Variants in NBEAL2 observed in about 807,000 individuals in gnomAD.
NBEAL2 encodes neurobeachin-like protein 2.
A neutral mutation model predicts 299.8 loss-of-function variants in NBEAL2; 160 were observed. The observed-to-expected ratio is 0.53, with a 90% confidence interval of 0.47 to 0.61. The LOEUF is 0.61. NBEAL2 is among the 20% of genes least tolerant of loss of function. NBEAL2 has a pLI of 0.00. For synonymous variants in NBEAL2, 1,493 were observed against 1,542.3 expected (o/e 0.97, Z 0.75); for missense variants, 3,112 against 3,649.0 (o/e 0.85, Z 3.79).
chr3:46,991,831 C>CT lies in NBEAL2; in HGVS notation c.926-7dup. ...TCTGGGCAGGGCCTGACCCTTGACC[C>CT]TTCCACAGACGCCATCCCCATGATG... On this transcript the variant is annotated splice_polypyrimidine_tract_variant and intron_variant, in intron 8 of 53. Transcript: ENST00000450053. This position sits in a 1 kb window ranked among gnomAD's most constrained non-coding sequence, Gnocchi z 6.2. 1 of 1,587,604 alleles carries CT rather than the reference C, an allele frequency of 6.3e-7. No individual in the cohort carries two copies. Among genetic ancestry groups the CT allele is most frequent in the African/African-American group, 1.3e-5 (1 of 74,364 alleles).
Position 46,995,488 on chromosome 3 carries a change from C to T in NBEAL2, c.1753C>T (p.Pro585Ser). Reference sequence around the variant, plus strand: ...TGCTCTGCGCTACTTTGACCTCACGCCCAGCATGGCGGGCATCATGGTACC... The same window carrying T: ...TGCTCTGCGCTACTTTGACCTCACGTCCAGCATGGCGGGCATCATGGTACC... ...ARALRYFDLT[P>S]SMAGIMVPPV... Residue 585 changes from proline (P) to serine (S), a missense_variant, in exon 13 of 54, where the codon CCC becomes TCC. Transcript: ENST00000450053. 6.2e-7 allele frequency: 1 copy of T among 1,612,902 alleles called. No homozygotes were observed. The highest frequency in any genetic ancestry group is 8.5e-7 in the Non-Finnish European group (1 of 1,179,890).
chr3:47,000,289 C>T lies in NBEAL2; in HGVS notation c.4190C>T (p.Pro1397Leu). ...GTPSPLDGPRPFPAAPGRHSS... is the reference protein window; with the variant it reads ...GTPSPLDGPRLFPAAPGRHSS... ...CCTTCGCCACTGGATGGGCCGCGGC[C>T]CTTTCCTGCTGCTCCTGGCCGCCAC... The change falls in exon 27 of 54, where the codon CCC (proline) becomes CTC (leucine). Residue 1397 changes from proline to leucine, a missense_variant. Transcript: ENST00000450053. This position sits in a 1 kb window ranked among gnomAD's most constrained non-coding sequence, Gnocchi z 4.5. The T allele has an allele frequency of 1.2e-6, 2 of 1,612,576 alleles. No homozygotes were observed. The highest frequency in any genetic ancestry group is 1.1e-5 in the South Asian group (1 of 91,076).
At chr3:46,987,591 G>C (rs1219300332) in intron 1 of NBEAL2, among the ~76,000 whole-genome samples, 1 of 152,152 alleles carries the variant, frequency 6.6e-6, no homozygotes, top group Non-Finnish European at 1.5e-5. Context: ...CATGGCGGGC[G>C]GCGGGGCGGG....
Position 47,008,976 on chromosome 3 carries a change from C to T in NBEAL2, c.8028-13C>T, listed in dbSNP as rs1468550719. ...GCAGTCGCAAGTTGGTGTATATCCC[C>T]TCTCCCTTCCAGACTGCTCCCGGCC... On this transcript the variant is annotated splice_polypyrimidine_tract_variant and intron_variant, in intron 52 of 53. Coordinates refer to ENST00000450053, the MANE Select transcript of NBEAL2 (RefSeq NM_015175.3). The T allele has an allele frequency of 3.8e-6, 6 of 1,598,602 alleles. No homozygotes were observed. The African/African-American group carries it at 5.3e-5, about 14-fold the overall frequency.
At position 46,989,038 on chromosome 3, in the gene NBEAL2, G is replaced by A. The variant is rs762911937; in HGVS notation, c.270-47G>A. On this transcript the variant is annotated intron_variant, in intron 3 of 53. Transcript: ENST00000450053. This position sits in a 1 kb window ranked among gnomAD's most constrained non-coding sequence, Gnocchi z 5.5. The stretch of plus-strand genomic sequence containing the variant: ...GGGCCAGAGGGAGAGGGGACAAGGA[G>A]GGGCATGGTGTATTATTGTGACCTC... 1 of 1,611,678 alleles carries A rather than the reference G, an allele frequency of 6.2e-7. No individual in the cohort carries two copies. The highest frequency in any genetic ancestry group is 1.1e-5 in the South Asian group (1 of 90,768).
At position 46,999,691 on chromosome 3, in the gene NBEAL2, C is replaced by T. The variant is rs377098551; in HGVS notation, c.3765C>T (p.Ser1255=). 9.9e-5 allele frequency: 159 copies of T among 1,613,430 alleles called. No individual in the cohort carries two copies. Among genetic ancestry groups the T allele is most frequent in the Non-Finnish European group, 1.3e-4 (148 of 1,179,798 alleles). ...AGCTGTCCCTCCAGGCTGACCTCAG[C>T]GTTCGCCTAGACATCTGTCGCCAGG... ...VVQLSLQADL[S]VRLDICRQLF... Residue 1255 remains serine, a synonymous_variant, in exon 26 of 54, where the codon AGC becomes AGT. Transcript: ENST00000450053.
chr3:47,009,660 CCGGTTCTCCCTTCT>C lies in NBEAL2; in HGVS notation c.*344_*357del. Reference sequence around the variant, plus strand: ...GTGGCCTTAATTCCTAACGGCGGCCCCGGTTCTCCCTTCTCGGCAATAAACCAGGCCTAGTTTTG... The same window carrying C: ...GTGGCCTTAATTCCTAACGGCGGCCCCGGCAATAAACCAGGCCTAGTTTTG... On this transcript the variant is annotated 3_prime_UTR_variant, in exon 54 of 54. Coordinates refer to ENST00000450053, the MANE Select transcript of NBEAL2 (RefSeq NM_015175.3). 3.0e-6 allele frequency: 1 copy of C among 336,374 alleles called. No individual in the cohort carries two copies. The highest frequency in any genetic ancestry group is 4.5e-5 in the South Asian group (1 of 21,994). 20.8% of individuals were successfully genotyped at this position (336,374 alleles called of 1,614,324 possible). A position where few individuals can be genotyped will look rare whatever the true frequency, so the allele number is the denominator to read the frequency against.
Position 46,995,187 on chromosome 3 carries a change from C to T in NBEAL2, c.1452C>T (p.Ala484=). The T allele has an allele frequency of 6.4e-7, 1 of 1,560,380 alleles. No homozygotes were observed. The highest frequency in any genetic ancestry group is 8.7e-7 in the Non-Finnish European group (1 of 1,152,430). ...RLRWLCDSCP[A]SRATCVQAGL... Reference sequence around the variant, plus strand: ...GGTGGCTCTGTGACAGCTGCCCTGCCAGCCGTGCCACCTGTGTGCAGGCAG... The same window carrying T: ...GGTGGCTCTGTGACAGCTGCCCTGCTAGCCGTGCCACCTGTGTGCAGGCAG... Residue 484 remains alanine (A), a synonymous_variant, in exon 13 of 54, where the codon GCC becomes GCT. Coordinates refer to ENST00000450053, the MANE Select transcript of NBEAL2 (RefSeq NM_015175.3).
rs754457654 is a variant in NBEAL2 at position 46,998,801 on chromosome 3, G to A, written c.3306G>A (p.Val1102=). 26 of 1,566,802 alleles carry A rather than the reference G, an allele frequency of 1.7e-5. No homozygotes were observed. In the South Asian group the frequency reaches 2.9e-4, roughly 18 times the overall value. The change falls in exon 23 of 54, where the codon GTG becomes GTA. Residue 1102 remains valine, a synonymous_variant. Coordinates refer to ENST00000450053, the MANE Select transcript of NBEAL2 (RefSeq NM_015175.3). ...SLLGLAREFL[V]RSLSADDVQV... is the part of the protein sequence containing the mutation. ...TGGGCCTGGCGAGGGAGTTCCTGGT[G>A]CGGAGTCTCTCAGCAGATGACGTGC...
chr3:46,995,354 G>A lies in NBEAL2; in HGVS notation c.1619G>A (p.Arg540Gln), dbSNP rs779577724. 25 of 1,611,046 alleles carry A rather than the reference G, an allele frequency of 1.6e-5. No homozygotes were observed. The highest frequency in any genetic ancestry group is 1.7e-4 in the Middle Eastern group (1 of 6,054). ...PMELRHLLRP[R>Q]PGLDSEPGGA... ...GAGCTGCGTCACCTGCTGCGCCCCCGGCCAGGATTGGACTCGGAACCAGGC... is the reference window on the plus strand; with the variant it reads ...GAGCTGCGTCACCTGCTGCGCCCCCAGCCAGGATTGGACTCGGAACCAGGC... The change falls in exon 13 of 54, where the codon CGG becomes CAG. Residue 540 changes from arginine (R) to glutamine (Q), a missense_variant. Around this residue, in one of 3 missense-constraint regions of NBEAL2, gnomAD observed 2,243 missense variants for 2,538.1 expected, o/e 0.88. Transcript: ENST00000450053.
chr3:46,988,979 G>C lies in NBEAL2; in HGVS notation c.269+9G>C, dbSNP rs370427993. On this transcript the variant is annotated intron_variant, in intron 3 of 53. Coordinates refer to ENST00000450053, the MANE Select transcript of NBEAL2 (RefSeq NM_015175.3). This position sits in a 1 kb window ranked among gnomAD's most constrained non-coding sequence, Gnocchi z 4.4. ...TTCATCATTCTCTGCAGGTGTCTCT[G>C]TTGTCCACTCTACAAGCAGGGGCCT... 8 of 1,612,686 alleles carry C rather than the reference G, an allele frequency of 5.0e-6. No homozygotes were observed. In the African/African-American group the frequency reaches 5.3e-5, roughly 11 times the overall value.
In NBEAL2 at chr3:46,979,710, G is replaced by A; in HGVS notation, c.-152G>A. On this transcript the variant is annotated 5_prime_UTR_variant, in exon 1 of 54. Transcript: ENST00000450053. ...CAGACTTGGGTGGCTCTGCGCCGCG[G>A]AGGCCACAGCCGCAGACTTCCCCAG... The A allele has an allele frequency of 3.2e-6, 1 of 309,316 alleles. No individual in the cohort carries two copies. Among genetic ancestry groups the A allele is most frequent in the Non-Finnish European group, 5.9e-6 (1 of 168,136 alleles). The allele number at this position is 309,316 out of a possible 1,614,324, so 19.2% of individuals were successfully genotyped here.
rs1002810943 is a variant in NBEAL2 at position 47,000,974 on chromosome 3, G to A, written c.4306-27G>A. 8 of 1,569,724 alleles carry A rather than the reference G, an allele frequency of 5.1e-6. No individual in the cohort carries two copies. The African/African-American group carries it at 5.4e-5, about 11-fold the overall frequency. Reference sequence around the variant, plus strand: ...CCTCCCTTAGCCGCCCACAACCCACGCCCACACCACCCACCTGTGCCCACA... The same window carrying A: ...CCTCCCTTAGCCGCCCACAACCCACACCCACACCACCCACCTGTGCCCACA... On this transcript the variant is annotated intron_variant, in intron 27 of 53. Transcript: ENST00000450053. This position sits in a 1 kb window ranked among gnomAD's most constrained non-coding sequence, Gnocchi z 4.5.
rs145928108 is a variant in NBEAL2 at position 47,000,257 on chromosome 3, C to A, written c.4158C>A (p.Pro1386=). Residue 1386 remains proline, a synonymous_variant, in exon 27 of 54, where the codon CCC becomes CCA. Coordinates refer to ENST00000450053, the MANE Select transcript of NBEAL2 (RefSeq NM_015175.3). The surrounding 1 kb of genome is among the most constrained non-coding windows in gnomAD (Gnocchi z 4.5). The part of the protein sequence containing the change: ...SSGTLTPASQ[P]GTPSPLDGPR... ...GGACTCTTACTCCAGCCAGCCAGCC[C>A]GGCACTCCTTCGCCACTGGATGGGC... The A allele has an allele frequency of 1.9e-6, 3 of 1,613,032 alleles. No homozygotes were observed. In the South Asian group the frequency reaches 3.3e-5, roughly 18 times the overall value.
Position 46,998,470 on chromosome 3 carries a change from C to G in NBEAL2, c.3126C>G (p.Ile1042Met). 6.2e-7 allele frequency: 1 copy of G among 1,612,664 alleles called. No homozygotes were observed. Among genetic ancestry groups the G allele is most frequent in the Non-Finnish European group, 8.5e-7 (1 of 1,179,508 alleles). The change falls in exon 22 of 54, where the codon ATC becomes ATG. Residue 1042 changes from isoleucine to methionine, a missense_variant. Ile to Met is a conservative substitution (Grantham distance 10). Around this residue, in one of 3 missense-constraint regions of NBEAL2, gnomAD observed 2,243 missense variants for 2,538.1 expected, o/e 0.88. Coordinates refer to ENST00000450053, the MANE Select transcript of NBEAL2 (RefSeq NM_015175.3). Reference sequence around the variant, plus strand: ...CTGCTCATTCCCGCTCAGGTCACATCCAGTACATGTCCAGCATAGTTCGGG... The same window carrying G: ...CTGCTCATTCCCGCTCAGGTCACATGCAGTACATGTCCAGCATAGTTCGGG... Reference protein sequence around the residue: ...LSDFAVRLGHIQYMSSIVREH... With the variant: ...LSDFAVRLGHMQYMSSIVREH...
chr3:46,993,840 C>CT, intron 10 of NBEAL2, 97 bp from the exon 11 acceptor site: 1 of 1,072,862 alleles, frequency 9.3e-7, no homozygotes, highest in Non-Finnish European at 1.4e-6. Context: ...TGCCACATGC[C>CT]TTGGGGTGCT....
Position 46,991,957 on chromosome 3 carries a change from C to T in NBEAL2, c.1032+11C>T. ...ATTCAGAACAGCAAGGTGGGTAGGG[C>T]CCAGCCTGGGGGTGAGGGTCTGGAA... is the stretch of plus-strand genomic sequence containing the variant. On this transcript the variant is annotated intron_variant, in intron 9 of 53. Transcript: ENST00000450053. This position sits in a 1 kb window ranked among gnomAD's most constrained non-coding sequence, Gnocchi z 6.2. 1.3e-6 allele frequency: 2 copies of T among 1,582,428 alleles called. No homozygotes were observed. The highest frequency in any genetic ancestry group is 1.7e-4 in the Middle Eastern group (1 of 6,008).
Position 47,004,958 on chromosome 3 carries a change from G to T in NBEAL2, c.6295-14G>T. 1.9e-6 allele frequency: 3 copies of T among 1,599,716 alleles called. No individual in the cohort carries two copies. The highest frequency in any genetic ancestry group is 4.5e-5 in the East Asian group (2 of 43,972). ...CAGGGCCCTCATGCAGCCCCTGCTC[G>T]GGTGGGTGGCCAGTTCCCCTGGGTC... On this transcript the variant is annotated splice_polypyrimidine_tract_variant and intron_variant, in intron 38 of 53. Transcript: ENST00000450053. This position sits in a 1 kb window ranked among gnomAD's most constrained non-coding sequence, Gnocchi z 5.0.
In NBEAL2 at chr3:46,999,965, C is replaced by T. The variant is rs757906893; in HGVS notation, c.3866C>T (p.Thr1289Ile). 8 of 1,612,042 alleles carry T rather than the reference C, an allele frequency of 5.0e-6. No individual in the cohort carries two copies. The East Asian group carries it at 1.8e-4, about 36-fold the overall frequency. Reference sequence around the variant, plus strand: ...CAGGCTGGCTGGCAAGATGTGCTGACCCGGCTATATGTCCTGGAGGCTGCC... The same window carrying T: ...CAGGCTGGCTGGCAAGATGTGCTGATCCGGCTATATGTCCTGGAGGCTGCC... The part of the protein sequence containing the change: ...ARQAGWQDVL[T>I]RLYVLEAATA... The change falls in exon 27 of 54, where the codon ACC becomes ATC. Residue 1289 changes from threonine to isoleucine, a missense_variant. Physicochemically the swap from Thr to Ile is moderately conservative, Grantham distance 89 (BLOSUM62 -1). Transcript: ENST00000450053.
Sources: allele counts gnomAD v4.1 joint callset (sites outside exome capture counted in the v4.1 genomes callset), GRCh38; gene constraint gnomAD v4.1.1; regional missense constraint gnomAD v4.1.1; non-coding constraint Gnocchi (gnomAD v3.1); transcripts MANE v1.5; gene names NCBI Gene and HGNC (gene_info 2026-07-23, HGNC 2026-07-21).